Variants in PTPMT1 observed in about 807,000 individuals in gnomAD.
PTPMT1 encodes protein tyrosine phosphatase mitochondrial 1, also known as phosphatidylglycerophosphatase and protein-tyrosine phosphatase 1.
In PTPMT1, 12 loss-of-function variants were observed where a neutral mutation model predicts 17.8. The observed-to-expected ratio is 0.67, with a 90% CI of 0.43 to 1.09. The LOEUF is 1.09. Among genes scored for constraint, PTPMT1 ranks in the 50% least tolerant of loss-of-function variants. The pLI is 0.00. For synonymous variants in PTPMT1, 132 were observed against 116.8 expected (o/e 1.13, Z -0.84); for missense variants, 262 against 266.0 (o/e 0.99, Z 0.10).
In PTPMT1 at chr11:47,569,775, C is replaced by G. The variant is rs1160415712; in HGVS notation, c.331C>G (p.Leu111Val). 1 of 1,614,140 alleles carries G rather than the reference C, an allele frequency of 6.2e-7. No individual in the cohort carries two copies. The highest frequency in any genetic ancestry group is 1.1e-5 in the South Asian group (1 of 91,076). Residue 111 changes from leucine to valine, a missense_variant, in exon 3 of 4, where the codon CTC becomes GTC. Coordinates refer to ENST00000326674, the MANE Select transcript of PTPMT1 (RefSeq NM_175732.3). ...GACTGGGATCCCCACCTTGGACAAC[C>G]TCCAGAAGGGAGTCCAATTTGCTCT... ...DMTGIPTLDNLQKGVQFALKY... is the reference protein window; with the variant it reads ...DMTGIPTLDNVQKGVQFALKY...
intron 3 of PTPMT1, among the ~76,000 whole-genome samples, chr11:47,570,486 G>A (rs1226883510): frequency 1.3e-5 from 2 of 152,142 alleles, no homozygotes; most frequent in African/African-American, 2.4e-5. Context: ...GGCCTATAGC[G>A]GGCACTCTAA....
rs747054418 is a variant in PTPMT1, at chr11:47,573,391, C to T, written c.*1762C>T. ...GCACCAGCAGCCCCTGACACAGCCA[C>T]CTCTAGCTGAGTTGTCTCTGTCCAC... is the stretch of plus-strand genomic sequence containing the variant. On this transcript the variant is annotated 3_prime_UTR_variant, in exon 4 of 4. Transcript: ENST00000326674. This position sits in a 1 kb window ranked among gnomAD's most constrained non-coding sequence, Gnocchi z 4.1. 5 of 1,614,092 alleles carry T rather than the reference C, an allele frequency of 3.1e-6. No individual in the cohort carries two copies. Among genetic ancestry groups the T allele is most frequent in the South Asian group, 1.1e-5 (1 of 91,094 alleles).
At position 47,573,271 on chromosome 11, in the gene PTPMT1, CTG is replaced by C. The variant is rs1049816259; in HGVS notation, c.*1646_*1647del. On this transcript the variant is annotated 3_prime_UTR_variant, in exon 4 of 4. Transcript: ENST00000326674. This position sits in a 1 kb window ranked among gnomAD's most constrained non-coding sequence, Gnocchi z 4.1. ...GGCTTCACATGGCATTTGTCTGTCTCTGTGTCAAAGCACTGGATGAGTCGGGA... is the reference window on the plus strand; with the variant it reads ...GGCTTCACATGGCATTTGTCTGTCTCTGTCAAAGCACTGGATGAGTCGGGA... 1 of 1,614,168 alleles carries C rather than the reference CTG, an allele frequency of 6.2e-7. No homozygotes were observed. The highest frequency in any genetic ancestry group is 2.2e-5 in the East Asian group (1 of 44,874).
At position 47,573,220 on chromosome 11, in the gene PTPMT1, T is replaced by G; in HGVS notation, c.*1591T>G. The G allele has an allele frequency of 6.2e-7, 1 of 1,614,150 alleles. No homozygotes were observed. The highest frequency in any genetic ancestry group is 8.5e-7 in the Non-Finnish European group (1 of 1,180,036). Reference sequence around the variant, plus strand: ...AGATCTTTATGCACAGCTGCGTGCATGCGGCCTGCAAAGGGCAGCACATAG... The same window carrying G: ...AGATCTTTATGCACAGCTGCGTGCAGGCGGCCTGCAAAGGGCAGCACATAG... On this transcript the variant is annotated 3_prime_UTR_variant, in exon 4 of 4. Transcript: ENST00000326674. This position sits in a 1 kb window ranked among gnomAD's most constrained non-coding sequence, Gnocchi z 4.1.
At chr11:47,567,559 C>CT (rs370022255) in intron 2 of PTPMT1, among the ~76,000 whole-genome samples, 37,337 of 116,108 alleles carry the variant, frequency 0.32, 8,393 homozygotes, top group South Asian at 0.48. Flanking sequence ...TATTTCTTTT[C>CT]TTTTTTTTTT....
In PTPMT1 at chr11:47,572,987, T is replaced by A; in HGVS notation, c.*1358T>A. ...GCACCTTAATACCTCTTGTGACAGT[T>A]ACGGCTGAAGTGGCAGGGTCAAGCT... On this transcript the variant is annotated 3_prime_UTR_variant, in exon 4 of 4. Coordinates refer to ENST00000326674, the MANE Select transcript of PTPMT1 (RefSeq NM_175732.3). 1 of 1,614,204 alleles carries A rather than the reference T, an allele frequency of 6.2e-7. No homozygotes were observed. The highest frequency in any genetic ancestry group is 8.5e-7 in the Non-Finnish European group (1 of 1,180,038).
intron 2 of PTPMT1, among the ~76,000 whole-genome samples, chr11:47,568,332 G>C (rs1473946940): frequency 1.3e-5 from 2 of 152,056 alleles, no homozygotes; most frequent in Admixed American, 1.3e-4. Context: ...GCAAAATATT[G>C]TACCCCAAAT....
chr11:47,569,639 A>G (rs1297092408), intron 2 of PTPMT1, 61 bp from the exon 3 acceptor site: 5 of 1,393,400 alleles, frequency 3.6e-6, no homozygotes, highest in Non-Finnish European at 4.9e-6. Flanking sequence ...GGAGCCCCTT[A>G]TCATCCCACC....
At chr11:47,569,525 A>G (rs1051829269) in intron 2 of PTPMT1, among the ~76,000 whole-genome samples, 175 bp from the exon 3 acceptor site, 4 of 152,058 alleles carry the variant, frequency 2.6e-5, no homozygotes, top group South Asian at 2.1e-4. Flanking sequence ...CTGGAATGGG[A>G]AAAAAAAGCA....
chr11:47,569,924 G>GTACACACT, intron 3 of PTPMT1, 33 bp downstream of exon 3: 1 of 1,567,522 alleles, frequency 6.4e-7, no homozygotes, highest in South Asian at 1.1e-5. Context: ...GGGCATCGTG[G>GTACACACT]TACACACTTA....
Position 47,569,514 on chromosome 11 carries a change from C to G in PTPMT1, c.256-186C>G, listed in dbSNP as rs139308090. 1.9e-3 allele frequency among the ~76,000 whole-genome samples: 289 copies of G among 152,192 alleles called. 1 individual carries two copies. Among genetic ancestry groups the G allele is most frequent in the Middle Eastern group, 0.014 (4 of 294 alleles). On this transcript the variant is annotated intron_variant, in intron 2 of 3. Coordinates refer to ENST00000326674, the MANE Select transcript of PTPMT1 (RefSeq NM_175732.3). ...CATTTTAAAGACATTTCTGTCCTCA[C>G]CTGGAATGGGAAAAAAAAGCATTTC... is the stretch of plus-strand genomic sequence containing the variant.
chr11:47,569,367 C>G (rs576318277), intron 2 of PTPMT1, among the ~76,000 whole-genome samples: 2 of 120,218 alleles, frequency 1.7e-5, no homozygotes, highest in Non-Finnish European at 3.2e-5. Context: ...GCCTGGGCAA[C>G]AGAGCGAGAC....
In PTPMT1 at chr11:47,565,665, C is replaced by T; in HGVS notation, c.43C>T (p.Leu15Phe). The change falls in exon 1 of 4, where the codon CTC becomes TTC. Residue 15 changes from leucine to phenylalanine, a missense_variant. Physicochemically the swap from Leu to Phe is conservative, Grantham distance 22. Transcript: ENST00000326674. ...GCTGGAGGCCGGCCTGGCGCGGGTG[C>T]TCTTCTACCCGACGCTGCTCTACAC... ...ALLEAGLARV[L>F]FYPTLLYTLF... 7.1e-7 allele frequency: 1 copy of T among 1,400,366 alleles called. No individual in the cohort carries two copies. Among genetic ancestry groups the T allele is most frequent in the Non-Finnish European group, 9.3e-7 (1 of 1,078,472 alleles). The allele number at this position is 1,400,366 out of a possible 1,614,324, so 86.7% of individuals were successfully genotyped here.
At chr11:47,566,024 CT>C (rs574046003) in intron 2 of PTPMT1, 38 bp downstream of exon 2, 5 of 1,372,476 alleles carry the variant, frequency 3.6e-6, no homozygotes, top group Non-Finnish European at 4.7e-6. Flanking sequence ...CGGGGGCCCG[CT>C]CCCCCTCGCC....
rs771051062 is a variant in PTPMT1, at chr11:47,565,639, T to A, written c.17T>A (p.Leu6Gln). 7.5e-6 allele frequency: 10 copies of A among 1,334,440 alleles called. No homozygotes were observed. The highest frequency in any genetic ancestry group is 9.6e-6 in the Non-Finnish European group (10 of 1,043,822). 82.7% of individuals were successfully genotyped at this position (1,334,440 alleles called of 1,614,324 possible). A position where few individuals can be genotyped will look rare whatever the true frequency, so the allele number is the denominator to read the frequency against. MAATALLEAGLARVLF... is the reference protein window; with the variant it reads MAATAQLEAGLARVLF... ...CGGGCCGGGATGGCGGCCACCGCGCTGCTGGAGGCCGGCCTGGCGCGGGTG... is the reference window on the plus strand; with the variant it reads ...CGGGCCGGGATGGCGGCCACCGCGCAGCTGGAGGCCGGCCTGGCGCGGGTG... Residue 6 changes from leucine (L) to glutamine (Q), a missense_variant, in exon 1 of 4, where the codon CTG becomes CAG. Coordinates refer to ENST00000326674, the MANE Select transcript of PTPMT1 (RefSeq NM_175732.3).
chr11:47,568,639 A>G lies in PTPMT1; in HGVS notation c.256-1061A>G, dbSNP rs948375849. On this transcript the variant is annotated intron_variant, in intron 2 of 3. Transcript: ENST00000326674. ...TGAGGCTGCAAGGAGCCATGATTGCATACCACTGCTCTCTGACCTGGGTGA... is the reference window on the plus strand; with the variant it reads ...TGAGGCTGCAAGGAGCCATGATTGCGTACCACTGCTCTCTGACCTGGGTGA... Among the ~76,000 whole-genome samples the G allele has an allele frequency of 1.3e-4, 20 of 152,114 alleles. 2 individuals are homozygous for G. The highest frequency in any genetic ancestry group is 1.2e-3 in the Admixed American group (19 of 15,258).
At chr11:47,568,707 T>C (rs1337122137) in intron 2 of PTPMT1, among the ~76,000 whole-genome samples, 7 of 152,056 alleles carry the variant, frequency 4.6e-5, no homozygotes, top group African/African-American at 1.4e-4. Flanking sequence ...ATATATATTT[T>C]TGAGATGTTG....
At chr11:47,565,880 G>A (rs746136575) in intron 1 of PTPMT1, 26 bp from the exon 2 acceptor site, 6 of 1,612,132 alleles carry the variant, frequency 3.7e-6, no homozygotes, top group Non-Finnish European at 5.1e-6. Flanking sequence ...CACCGTCTTT[G>A]CTGAGCCACC....
intron 3 of PTPMT1, among the ~76,000 whole-genome samples, chr11:47,570,172 G>A (rs2097248756): frequency 8.3e-6 from 1 of 120,640 alleles, no homozygotes; most frequent in African/African-American, 3.2e-5. Context: ...ATAGCCAACA[G>A]AGTGAAACTG....
Sources: gnomAD v4.1 joint callset for allele counts (sites outside exome capture counted in the v4.1 genomes callset) on GRCh38, gnomAD v4.1.1 for gene constraint, Gnocchi (gnomAD v3.1) non-coding constraint, MANE v1.5 for transcripts, NCBI Gene and HGNC (gene_info 2026-07-23, HGNC 2026-07-21) for gene names.